GAREM1: variants seen among roughly 807,000 people sequenced by gnomAD.
GAREM1 encodes GRB2-associated and regulator of MAPK protein 1.
GAREM1 carries 26 observed loss-of-function variants against 71.3 expected under a neutral mutation model. The observed-to-expected ratio is 0.36, with a 90% CI of 0.27 to 0.51. The LOEUF (loss-of-function observed/expected upper bound fraction) is 0.51. Among genes scored for constraint, GAREM1 ranks in the 20% least tolerant of loss-of-function variants. GAREM1 has a pLI of 0.95. For missense variants in GAREM1, 1,026 were observed against 1,103.1 expected (o/e 0.93, Z 0.99); for synonymous variants, 440 against 433.2 (o/e 1.02, Z -0.20).
chr18:32,454,844 A>T (rs2048872520), intron 1 of GAREM1, among the ~76,000 whole-genome samples: 1 of 152,208 alleles, frequency 6.6e-6, no homozygotes, highest in Non-Finnish European at 1.5e-5. Context: ...AGGCTGAAGT[A>T]TCCCAACAAC....
At chr18:32,384,496 G>A (rs1037087770) in intron 2 of GAREM1, among the ~76,000 whole-genome samples, 1 of 152,084 alleles carries the variant, frequency 6.6e-6, no homozygotes, top group Non-Finnish European at 1.5e-5. Flanking sequence ...CAAACACATG[G>A]AAAATTCGGG....
chr18:32,445,157 T>C (rs2048774967), intron 1 of GAREM1, among the ~76,000 whole-genome samples: 1 of 152,126 alleles, frequency 6.6e-6, no homozygotes, highest in Non-Finnish European at 1.5e-5. Flanking sequence ...ATCATCTTAC[T>C]TTTCCACTCC....
At position 32,310,240 on chromosome 18, in the gene GAREM1, A is replaced by G. The variant is rs1326748581; in HGVS notation, c.346T>C (p.Phe116Leu). 3 of 1,613,930 alleles carry G rather than the reference A, an allele frequency of 1.9e-6. No homozygotes were observed. The highest frequency in any genetic ancestry group is 1.7e-6 in the Non-Finnish European group (2 of 1,179,974). ...FNSVEEVAKA[F>L]PERVYVMEDI... is the part of the protein sequence containing the mutation. ...TCCATGACGTACACGCGTTCAGGAAATGCCTTAGCCACCTCCTCCACACTG... is the reference window on the plus strand; with the variant it reads ...TCCATGACGTACACGCGTTCAGGAAGTGCCTTAGCCACCTCCTCCACACTG... Residue 116 changes from phenylalanine to leucine, a missense_variant, in exon 3 of 6, where the codon TTT becomes CTT. Transcript: ENST00000269209.
intron 1 of GAREM1, among the ~76,000 whole-genome samples, chr18:32,420,916 G>A (rs1468215008): frequency 6.6e-6 from 1 of 152,126 alleles, no homozygotes; most frequent in African/African-American, 2.4e-5. Flanking sequence ...CACTTATGCA[G>A]CAGCTGGAGT....
chr18:32,418,684 T>C (rs1168579917), intron 1 of GAREM1, among the ~76,000 whole-genome samples: 20 of 151,902 alleles, frequency 1.3e-4, no homozygotes, highest in Admixed American at 1.3e-3. Flanking sequence ...ATAGAACCAA[T>C]AAGATCGAAC....
At chr18:32,445,756 A>G (rs1210318449) in intron 1 of GAREM1, among the ~76,000 whole-genome samples, 1 of 152,146 alleles carries the variant, frequency 6.6e-6, no homozygotes, top group African/African-American at 2.4e-5. Flanking sequence ...ATTTCCACCT[A>G]AAAAAGTTTA....
chr18:32,415,997 TTAG>T (rs1474851160), intron 1 of GAREM1, among the ~76,000 whole-genome samples: 1 of 152,060 alleles, frequency 6.6e-6, no homozygotes, highest in Non-Finnish European at 1.5e-5. Flanking sequence ...CAAAAAATTA[TTAG>T]AACTGATAAA....
Position 32,287,796 on chromosome 18 carries a change from CTCACGG to C in GAREM1, c.795_800del (p.Ile265_Glu267delinsMet). On this transcript the variant is annotated inframe_deletion, in exon 4 of 6. Coordinates refer to ENST00000269209, the MANE Select transcript of GAREM1 (RefSeq NM_001242409.2). The surrounding 1 kb of genome is among the most constrained non-coding windows in gnomAD (Gnocchi z 5.9). ...TGTTCACAAACTTATAGCGGTGCCC[CTCACGG>C]ATGAAGTGGAGGTCGTATGGGTTTC... The C allele has an allele frequency of 6.2e-7, 1 of 1,613,524 alleles. No individual in the cohort carries two copies. Among genetic ancestry groups the C allele is most frequent in the Non-Finnish European group, 8.5e-7 (1 of 1,179,942 alleles).
Position 32,266,718 on chromosome 18 carries a change from G to A in GAREM1, c.*1153C>T, listed in dbSNP as rs989811923. On this transcript the variant is annotated 3_prime_UTR_variant, in exon 6 of 6. Coordinates refer to ENST00000269209, the MANE Select transcript of GAREM1 (RefSeq NM_001242409.2). ...CATATATAATAATAAAGGCCGGTGC[G>A]TCTGATTTCTCAGCTCTCGTAAAGC... 1.1e-4 allele frequency: 16 copies of A among 152,226 alleles called. No homozygotes were observed. In the South Asian group the frequency reaches 1.9e-3, roughly 18 times the overall value. The allele number at this position is 152,226 out of a possible 1,614,324, so 9.4% of individuals were successfully genotyped here.
At chr18:32,306,197 GAC>G (rs1156964367) in intron 3 of GAREM1, among the ~76,000 whole-genome samples, 1 of 152,112 alleles carries the variant, frequency 6.6e-6, no homozygotes, top group African/African-American at 2.4e-5. Flanking sequence ...AGTAGCATTT[GAC>G]ACAGTTGCTC....
chr18:32,424,527 G>A (rs906845813), intron 1 of GAREM1, among the ~76,000 whole-genome samples: 1 of 152,060 alleles, frequency 6.6e-6, no homozygotes, highest in South Asian at 2.1e-4. Context: ...TTTGGTTAAC[G>A]TAAATCAATT....
intron 1 of GAREM1, among the ~76,000 whole-genome samples, chr18:32,402,266 C>A (rs972703337): frequency 5.6e-4 from 85 of 152,194 alleles, no homozygotes; most frequent in African/African-American, 2.0e-3. Context: ...TGAAATTTCC[C>A]CACATTTAAC....
At chr18:32,272,240 C>A (rs1283061472) in intron 4 of GAREM1, among the ~76,000 whole-genome samples, 2 of 152,194 alleles carry the variant, frequency 1.3e-5, no homozygotes, top group Non-Finnish European at 2.9e-5. Flanking sequence ...AGAAAACCAG[C>A]CATTAAGAAG....
chr18:32,308,948 G>C (rs145894893), intron 3 of GAREM1, among the ~76,000 whole-genome samples: 2 of 150,258 alleles, frequency 1.3e-5, no homozygotes, highest in East Asian at 3.9e-4. Context: ...TTCCTGAAGA[G>C]TGTGGGTGGA....
intron 1 of GAREM1, among the ~76,000 whole-genome samples, chr18:32,442,726 T>C (rs1450338266): frequency 6.6e-6 from 1 of 152,162 alleles, no homozygotes; most frequent in Non-Finnish European, 1.5e-5. Context: ...CTCAGTAGCT[T>C]TGTTCATTGT....
At chr18:32,448,266 C>T (rs1161856161) in intron 1 of GAREM1, among the ~76,000 whole-genome samples, 2 of 152,004 alleles carry the variant, frequency 1.3e-5, no homozygotes, top group East Asian at 3.9e-4. Context: ...ACAGGATCTC[C>T]AAAAAGCTAA....
intron 1 of GAREM1, among the ~76,000 whole-genome samples, chr18:32,437,147 A>G (rs1328285209): frequency 6.6e-6 from 1 of 152,208 alleles, no homozygotes; most frequent in Non-Finnish European, 1.5e-5. Flanking sequence ...AGTATAACCA[A>G]GCAAAGCAAT....
chr18:32,316,579 G>A (rs1268746912), intron 2 of GAREM1, among the ~76,000 whole-genome samples: 1 of 151,974 alleles, frequency 6.6e-6, no homozygotes, highest in African/African-American at 2.4e-5. Context: ...CAAGTAGCTG[G>A]GACTACAGGT....
At position 32,287,104 on chromosome 18, in the gene GAREM1, C is replaced by T. The variant is rs1168792885; in HGVS notation, c.1493G>A (p.Gly498Glu). 3 of 1,614,056 alleles carry T rather than the reference C, an allele frequency of 1.9e-6. No individual in the cohort carries two copies. Among genetic ancestry groups the T allele is most frequent in the South Asian group, 2.2e-5 (2 of 91,076 alleles). ...KCATSPLPIP[G>E]TLGAAVKSSD... ...AGACTTCACTGCTGCTCCCAGAGTCCCAGGGATGGGAAGAGGAGAAGTCGC... is the reference window on the plus strand; with the variant it reads ...AGACTTCACTGCTGCTCCCAGAGTCTCAGGGATGGGAAGAGGAGAAGTCGC... Residue 498 changes from glycine to glutamate, a missense_variant, in exon 4 of 6, where the codon GGG (glycine) becomes GAG (glutamate). Physicochemically the swap from Gly to Glu is moderately conservative, Grantham distance 98 (BLOSUM62 -2). Transcript: ENST00000269209. The surrounding 1 kb of genome is among the most constrained non-coding windows in gnomAD (Gnocchi z 5.9).
Sources: gnomAD v4.1 joint callset for allele counts (sites outside exome capture counted in the v4.1 genomes callset) on GRCh38, gnomAD v4.1.1 for gene constraint, Gnocchi (gnomAD v3.1) non-coding constraint, MANE v1.5 for transcripts, NCBI Gene and HGNC (gene_info 2026-07-23, HGNC 2026-07-21) for gene names.